The following TENM4 variants were observed in gnomAD, a reference collection of about 807,000 sequenced individuals.
TENM4 encodes teneurin-4.
A neutral mutation model predicts 243.3 loss-of-function variants in TENM4; 82 were observed. The ratio of observed to expected loss-of-function variants is 0.34; its 90% CI spans 0.28 to 0.40. The LOEUF (loss-of-function observed/expected upper bound fraction) is 0.40. Ranked by LOEUF, TENM4 falls within the 10% of genes least tolerant of loss-of-function variation. The probability of loss-of-function intolerance (pLI) is 1.00; values close to 1 mark genes in which losing one functional copy is unlikely to be tolerated. For synonymous variants in TENM4, 1,412 were observed against 1,456.3 expected (o/e 0.97, Z 0.69); for missense variants, 3,138 against 3,673.3 (o/e 0.85, Z 3.77).
chr11:79,116,780 C>A (rs550569985), intron 4 of TENM4, among the ~76,000 whole-genome samples: 1 of 152,304 alleles, frequency 6.6e-6, no homozygotes, highest in South Asian at 2.1e-4. Context: ...TCTGGATCAA[C>A]ATCAGCCATG....
rs1565220687 is a variant in TENM4 at position 79,139,720 on chromosome 11, A to AAATATATATTATATTTATATAAATACAT, written c.-66+8989_-66+8990insATGTATTTATATAAATATAATATATATT. 6.1e-3 allele frequency among the ~76,000 whole-genome samples: 285 copies of AAATATATATTATATTTATATAAATACAT among 46,698 alleles called. 43 individuals are homozygous for AAATATATATTATATTTATATAAATACAT. Among genetic ancestry groups the AAATATATATTATATTTATATAAATACAT allele is most frequent in the Non-Finnish European group, 8.1e-3 (252 of 31,242 alleles). The allele number at this position is 46,698 out of a possible 152,430, so 30.6% of individuals were successfully genotyped here. On this transcript the variant is annotated intron_variant, in intron 4 of 33. Transcript: ENST00000278550. ...TATATAATATTTATATAAGTATATA[A>AAATATATATTATATTTATATAAATACAT]AATATATATTATATTTATATAAATA...
intron 4 of TENM4, among the ~76,000 whole-genome samples, chr11:79,133,868 T>C (rs1433740548): frequency 6.6e-6 from 1 of 152,124 alleles, no homozygotes; most frequent in Non-Finnish European, 1.5e-5. Flanking sequence ...AAGCCATCTA[T>C]GACAAACCCA....
intron 3 of TENM4, among the ~76,000 whole-genome samples, chr11:79,200,719 C>T (rs147545822): frequency 1.3e-5 from 2 of 152,316 alleles, no homozygotes; most frequent in African/African-American, 4.8e-5. Context: ...ATTTCAAAGT[C>T]AAGGCAGGGG....
intron 3 of TENM4, among the ~76,000 whole-genome samples, chr11:79,191,187 G>A (rs1863479541): frequency 1.0e-5 from 1 of 96,398 alleles, no homozygotes; most frequent in African/African-American, 4.2e-5. Context: ...GCCAAAGCTG[G>A]ACTGTACTGC....
intron 18 of TENM4, 129 bp from the exon 19 acceptor site, chr11:78,757,150 C>G: frequency 2.0e-6 from 2 of 986,156 alleles, no homozygotes; most frequent in South Asian, 3.4e-5. Context: ...TGATATAAGC[C>G]AAAGTCTTTG....
At chr11:78,979,034 G>C (rs759058206) in intron 6 of TENM4, among the ~76,000 whole-genome samples, 13 of 152,202 alleles carry the variant, frequency 8.5e-5, no homozygotes, top group African/African-American at 3.1e-4. Context: ...AAAGGTGCCT[G>C]TAGGGTAAGA....
chr11:79,362,738 C>T (rs1857610904), intron 1 of TENM4, among the ~76,000 whole-genome samples: 1 of 152,224 alleles, frequency 6.6e-6, no homozygotes, highest in South Asian at 2.1e-4. Context: ...CTGGGTAAGT[C>T]TCTCAACCTC....
rs1301963625 is a variant in TENM4 at position 78,828,509 on chromosome 11, A to C, written c.1682-14114T>G. ...CGGTGGATTTTTCTTCACAATAATT[A>C]TAATGCGTGTTGGTCAGCAGCACGA... On this transcript the variant is annotated intron_variant, in intron 12 of 33. Coordinates refer to ENST00000278550, the MANE Select transcript of TENM4 (RefSeq NM_001098816.3). Among the ~76,000 whole-genome samples, 4 of 152,362 alleles carry C rather than the reference A, an allele frequency of 2.6e-5. No individual in the cohort carries two copies. In the East Asian group the frequency reaches 5.8e-4, roughly 22 times the overall value.
chr11:79,122,256 A>G (rs542790450), intron 4 of TENM4, among the ~76,000 whole-genome samples: 3 of 152,296 alleles, frequency 2.0e-5, no homozygotes, highest in South Asian at 2.1e-4. Context: ...AGGGAAAGAA[A>G]GGAGGAAGGG....
At chr11:78,707,000 T>C (rs992971452) in intron 27 of TENM4, among the ~76,000 whole-genome samples, 2 of 151,908 alleles carry the variant, frequency 1.3e-5, no homozygotes, top group African/African-American at 4.8e-5. Context: ...CAGCATGCGA[T>C]GGGGAGGTGA....
chr11:79,086,835 CAAAAAA>C (rs371315703), intron 4 of TENM4, among the ~76,000 whole-genome samples: 1 of 89,098 alleles, frequency 1.1e-5, no homozygotes, highest in Admixed American at 1.4e-4. Flanking sequence ...CTCTGTCTCG[CAAAAAA>C]AAAAAAAAAA....
intron 6 of TENM4, among the ~76,000 whole-genome samples, chr11:78,975,606 A>C (rs1386646034): frequency 1.7e-5 from 2 of 117,452 alleles, no homozygotes; most frequent in African/African-American, 3.8e-5. Flanking sequence ...ACCCACACAC[A>C]CACACACACA....
chr11:79,387,812 C>A (rs1858148498), intron 1 of TENM4, among the ~76,000 whole-genome samples: 1 of 152,078 alleles, frequency 6.6e-6, no homozygotes, highest in Non-Finnish European at 1.5e-5. Flanking sequence ...CGAGACCAGC[C>A]CGGGCAACAT....
intron 4 of TENM4, among the ~76,000 whole-genome samples, chr11:79,078,753 C>A (rs1340423620): frequency 6.6e-6 from 1 of 152,186 alleles, no homozygotes; most frequent in Non-Finnish European, 1.5e-5. Context: ...TCTTTATATG[C>A]ATTACCTCAC....
At chr11:78,933,067 C>T (rs527677939) in intron 6 of TENM4, among the ~76,000 whole-genome samples, 111 of 152,230 alleles carry the variant, frequency 7.3e-4, no homozygotes, top group African/African-American at 2.1e-3. Context: ...ACCCGAACTC[C>T]GCTCCTGTTC....
chr11:79,321,640 CAAA>C (rs60886884), intron 1 of TENM4, among the ~76,000 whole-genome samples: 1,314 of 82,212 alleles, frequency 0.016, 26 homozygotes, highest in African/African-American at 0.057. Context: ...AGGAAATTAC[CAAA>C]AAAAAAAAAA....
chr11:78,762,421 T>C (rs1856450945), intron 18 of TENM4, among the ~76,000 whole-genome samples: 1 of 152,176 alleles, frequency 6.6e-6, no homozygotes, highest in Admixed American at 6.5e-5. Flanking sequence ...GTCATAGCAA[T>C]GCACTGTAAA....
intron 12 of TENM4, among the ~76,000 whole-genome samples, chr11:78,851,241 T>A (rs1858531203): frequency 6.6e-6 from 1 of 152,178 alleles, no homozygotes; most frequent in Non-Finnish European, 1.5e-5. Context: ...TTTATCAAGA[T>A]CCTCAGGTGG....
chr11:78,908,034 T>C (rs1445250956), intron 6 of TENM4, among the ~76,000 whole-genome samples: 1 of 152,222 alleles, frequency 6.6e-6, no homozygotes, highest in Non-Finnish European at 1.5e-5. Flanking sequence ...CAGTTACTAG[T>C]GTCCTCCAAC....
Sources: gnomAD v4.1 joint callset for allele counts (sites outside exome capture counted in the v4.1 genomes callset) on GRCh38, gnomAD v4.1.1 for gene constraint, MANE v1.5 for transcripts, NCBI Gene and HGNC (gene_info 2026-07-23, HGNC 2026-07-21) for gene names.